PTPRD: variants seen among roughly 807,000 people sequenced by gnomAD.
The protein encoded by PTPRD is protein tyrosine phosphatase receptor type D, also known as receptor-type tyrosine-protein phosphatase delta.
Under a neutral mutation model 214.5 loss-of-function variants are expected in PTPRD, and 34 were observed. The observed-to-expected ratio is 0.16, with a 90% CI of 0.12 to 0.21. The LOEUF (loss-of-function observed/expected upper bound fraction) is 0.21. Ranked by LOEUF, PTPRD falls within the 10% of genes least tolerant of loss-of-function variation. The pLI, the probability that PTPRD is intolerant of heterozygous loss-of-function variation, is 1.00. For missense variants in PTPRD, 2,545 were observed against 2,398.7 expected (o/e 1.06, Z -1.27); for synonymous variants, 1,128 against 845.7 (o/e 1.33, Z -5.79).
chr9:8,665,601 TG>T lies in PTPRD; in HGVS notation c.65-28758del, dbSNP rs368542096. Among the ~76,000 whole-genome samples the T allele has an allele frequency of 4.9e-3, 739 of 152,292 alleles. 5 individuals carry two copies. Among genetic ancestry groups the T allele is most frequent in the African/African-American group, 0.017 (696 of 41,570 alleles). On this transcript the variant is annotated intron_variant, in intron 12 of 45. Coordinates refer to ENST00000381196, the MANE Select transcript of PTPRD (RefSeq NM_002839.4). Reference sequence around the variant, plus strand: ...ATTCTACCCATCTAATCCAGAGTTGTGATGTTACTTTTCATAATACCTGTAT... The same window carrying T: ...ATTCTACCCATCTAATCCAGAGTTGTATGTTACTTTTCATAATACCTGTAT...
At chr9:9,478,274 G>A (rs751617932) in intron 8 of PTPRD, among the ~76,000 whole-genome samples, 15 of 152,106 alleles carry the variant, frequency 9.9e-5, no homozygotes, top group Non-Finnish European at 1.9e-4. Flanking sequence ...ACCAATGACT[G>A]ACTTCAGGCA....
intron 5 of PTPRD, among the ~76,000 whole-genome samples, chr9:9,808,531 A>C (rs941069751): frequency 3.9e-5 from 6 of 152,294 alleles, no homozygotes; most frequent in Non-Finnish European, 8.8e-5. Flanking sequence ...AGGGCAGCAC[A>C]GAGAGAGACT....
At chr9:9,765,236 T>C (rs530253207) in intron 6 of PTPRD, among the ~76,000 whole-genome samples, 2 of 152,294 alleles carry the variant, frequency 1.3e-5, no homozygotes, top group African/African-American at 4.8e-5. Flanking sequence ...TACGCATTTA[T>C]AGGAGGCTTT....
intron 3 of PTPRD, among the ~76,000 whole-genome samples, chr9:10,239,101 T>G (rs2099638415): frequency 6.6e-6 from 1 of 151,982 alleles, no homozygotes; most frequent in African/African-American, 2.4e-5. Context: ...ACACAAAGGA[T>G]TCTGATACAT....
chr9:9,243,503 C>T (rs940267744), intron 9 of PTPRD, among the ~76,000 whole-genome samples: 47 of 152,154 alleles, frequency 3.1e-4, no homozygotes, highest in African/African-American at 1.1e-3. Context: ...AATCAATAAA[C>T]GTAATCCAGC....
At chr9:9,426,833 G>A (rs1459419331) in intron 8 of PTPRD, among the ~76,000 whole-genome samples, 1 of 152,186 alleles carries the variant, frequency 6.6e-6, no homozygotes, top group East Asian at 1.9e-4. Context: ...TAACAGACCT[G>A]CAGCTGAGGG....
intron 4 of PTPRD, among the ~76,000 whole-genome samples, chr9:9,953,241 C>T (rs1417856933): frequency 1.3e-5 from 2 of 152,034 alleles, no homozygotes; most frequent in Non-Finnish European, 2.9e-5. Flanking sequence ...AATTTGTGCA[C>T]GCAGACTGCC....
intron 2 of PTPRD, 62 bp from the exon 3 acceptor site, chr9:10,341,079 T>C (rs995462594): frequency 6.6e-6 from 1 of 151,940 alleles, no homozygotes; most frequent in African/African-American, 2.4e-5. Context: ...AAAGTATTGG[T>C]TTCTTCATTC....
rs547166650 is a variant in PTPRD at position 8,392,267 on chromosome 9, G to A, written c.4211-2860C>T. 7.2e-5 allele frequency among the ~76,000 whole-genome samples: 11 copies of A among 152,130 alleles called. 1 individual carries two copies. The highest frequency in any genetic ancestry group is 1.7e-4 in the African/African-American group (7 of 41,510). The stretch of plus-strand genomic sequence containing the variant: ...TAGGCTGGCATGGTGGCTCATGCCT[G>A]TAATTCCGACACTTTGGGGAGGCTG... On this transcript the variant is annotated intron_variant, in intron 36 of 45. Transcript: ENST00000381196.
At chr9:9,297,643 T>A (rs1953597193) in intron 9 of PTPRD, among the ~76,000 whole-genome samples, 1 of 151,718 alleles carries the variant, frequency 6.6e-6, no homozygotes, top group Admixed American at 6.6e-5. Flanking sequence ...TATTACTAAC[T>A]GTAAACCACT....
At chr9:8,410,420 T>C (rs1321348797) in intron 35 of PTPRD, among the ~76,000 whole-genome samples, 5 of 152,182 alleles carry the variant, frequency 3.3e-5, no homozygotes, top group Non-Finnish European at 7.4e-5. Context: ...CTTTTCCTCT[T>C]AATGTCAACC....
intron 3 of PTPRD, among the ~76,000 whole-genome samples, chr9:10,180,919 A>G (rs1232411565): frequency 3.3e-5 from 5 of 151,920 alleles, no homozygotes; most frequent in Non-Finnish European, 5.9e-5. Context: ...AATTTCCATA[A>G]CCCTATAAAA....
At chr9:8,613,699 C>G (rs1238187965) in intron 14 of PTPRD, among the ~76,000 whole-genome samples, 1 of 152,134 alleles carries the variant, frequency 6.6e-6, no homozygotes, top group Non-Finnish European at 1.5e-5. Context: ...ATCTGCCACT[C>G]GCTGAGCCTG....
intron 5 of PTPRD, among the ~76,000 whole-genome samples, chr9:9,775,508 C>T (rs986669259): frequency 4.6e-5 from 7 of 152,154 alleles, no homozygotes; most frequent in African/African-American, 1.7e-4. Flanking sequence ...GGATTTTACA[C>T]CTAAACTTTC....
intron 11 of PTPRD, among the ~76,000 whole-genome samples, chr9:8,992,444 T>G (rs2099377141): frequency 6.6e-6 from 1 of 152,166 alleles, no homozygotes; most frequent in Non-Finnish European, 1.5e-5. Context: ...TAATTGGGAC[T>G]ATTCCCAGCA....
At chr9:8,635,875 C>G (rs1180800340) in intron 13 of PTPRD, among the ~76,000 whole-genome samples, 1 of 152,088 alleles carries the variant, frequency 6.6e-6, no homozygotes, top group Non-Finnish European at 1.5e-5. Context: ...GCCTATATTT[C>G]TCCTCCAGAA....
intron 9 of PTPRD, among the ~76,000 whole-genome samples, chr9:9,228,769 T>G (rs2099961146): frequency 6.6e-6 from 1 of 152,154 alleles, no homozygotes. Context: ...GAAGCACACA[T>G]AAACTATTAA....
chr9:8,476,549 A>G (rs757474114), intron 30 of PTPRD, among the ~76,000 whole-genome samples: 4 of 152,044 alleles, frequency 2.6e-5, no homozygotes, highest in Non-Finnish European at 4.4e-5. Context: ...CTCTCCTTAA[A>G]TATCTACTAA....
At position 8,879,225 on chromosome 9, in the gene PTPRD, G is replaced by A. The variant is rs1434670255; in HGVS notation, c.-104+139472C>T. 5.3e-5 allele frequency among the ~76,000 whole-genome samples: 8 copies of A among 152,140 alleles called. No individual in the cohort carries two copies. In the East Asian group the frequency reaches 5.8e-4, roughly 11 times the overall value. ...TCTGTTAGCTGAGAGATGGGTGATC[G>A]AGACACTGATGGGAAATCTCCTTCA... On this transcript the variant is annotated intron_variant, in intron 11 of 45. Transcript: ENST00000381196.
Sources: allele counts gnomAD v4.1 joint callset (sites outside exome capture counted in the v4.1 genomes callset), GRCh38; gene constraint gnomAD v4.1.1; transcripts MANE v1.5; gene names NCBI Gene and HGNC (gene_info 2026-07-23, HGNC 2026-07-21).